Variants in OCA2 observed in about 807,000 individuals in gnomAD.
OCA2 encodes P protein.
OCA2 carries 77 observed loss-of-function variants against 100.2 expected under a neutral mutation model. The ratio of observed to expected loss-of-function variants is 0.77; its 90% CI spans 0.64 to 0.93. The LOEUF (loss-of-function observed/expected upper bound fraction) is 0.93, where lower values mean the gene tolerates loss of function less well. Ranked by LOEUF, OCA2 falls within the 40% of genes least tolerant of loss-of-function variation. The pLI is 0.00. For synonymous variants in OCA2, 432 were observed against 439.2 expected, an observed-to-expected ratio of 0.98 and a Z score of 0.21; for missense variants, 1,062 against 1,089.1, an observed-to-expected ratio of 0.98 and a Z score of 0.35.
chr15:27,951,621 C>CTTTTG (rs2040030089), intron 18 of OCA2, among the ~76,000 whole-genome samples, 163 bp downstream of exon 18: 1 of 152,186 alleles, frequency 6.6e-6, no homozygotes, highest in Non-Finnish European at 1.5e-5. Context: ...AAAGGAAAGG[C>CTTTTG]GCCCTTCTTC....
intron 14 of OCA2, among the ~76,000 whole-genome samples, chr15:27,978,160 A>G (rs79475059): frequency 2.0e-5 from 3 of 152,328 alleles, no homozygotes; most frequent in East Asian, 1.9e-4. Flanking sequence ...GTCACAGAAA[A>G]TATTTTATAT....
chr15:27,943,442 C>G (rs146690985), intron 18 of OCA2, among the ~76,000 whole-genome samples: 4 of 152,090 alleles, frequency 2.6e-5, no homozygotes, highest in Non-Finnish European at 4.4e-5. Context: ...TTGGAGATGG[C>G]CTTGCAAAGT....
chr15:27,851,389 G>A lies in OCA2; in HGVS notation c.2331C>T (p.Cys777=), dbSNP rs1376067968. 5 of 1,613,658 alleles carry A rather than the reference G, an allele frequency of 3.1e-6. No homozygotes were observed. The Admixed American group carries it at 5.0e-5, about 16-fold the overall frequency. The change falls in exon 22 of 24, where the codon TGC becomes TGT. Residue 777 remains cysteine (C), a synonymous_variant. Transcript: ENST00000354638. ...CAGTCAGCAGCCCCTTACCTCCCAG[G>A]CAAGCACCGAAGGCCAGGGCATACA... The part of the protein sequence containing the change: ...PLMYALAFGA[C]LGGNGTLIGA...
intron 1 of OCA2, among the ~76,000 whole-genome samples, chr15:28,090,073 T>C (rs2044847000): frequency 6.6e-6 from 1 of 152,202 alleles, no homozygotes; most frequent in South Asian, 2.1e-4. Context: ...TATGCTAAAC[T>C]TCAAGGCAAA....
rs376613862 is a variant in OCA2, at chr15:27,990,564, G to A, written c.1116+12C>T. ...GAGTGGTAAGCCAGGGATTGGGACTGTGACAACTTACATCGCCAATCACAG... is the reference window on the plus strand; with the variant it reads ...GAGTGGTAAGCCAGGGATTGGGACTATGACAACTTACATCGCCAATCACAG... On this transcript the variant is annotated intron_variant, in intron 10 of 23. Coordinates refer to ENST00000354638, the MANE Select transcript of OCA2 (RefSeq NM_000275.3). 1.9e-6 allele frequency: 3 copies of A among 1,613,352 alleles called. No individual in the cohort carries two copies. Among genetic ancestry groups the A allele is most frequent in the Admixed American group, 3.3e-5 (2 of 60,014 alleles).
At chr15:27,804,958 C>T (rs2033767349) in intron 23 of OCA2, among the ~76,000 whole-genome samples, 1 of 152,258 alleles carries the variant, frequency 6.6e-6, no homozygotes, top group Admixed American at 6.5e-5. Flanking sequence ...TGGCAGACCC[C>T]CGCTGGACGT....
the OCA2 span, among the ~76,000 whole-genome samples, chr15:27,741,818 T>G: frequency 6.6e-6 from 1 of 152,332 alleles, no homozygotes; most frequent in South Asian, 2.1e-4. Context: ...CACTATGAAT[T>G]GTTTCAAATT....
At chr15:27,899,703 T>C (rs1247732335) in intron 19 of OCA2, among the ~76,000 whole-genome samples, 2 of 152,198 alleles carry the variant, frequency 1.3e-5, no homozygotes, top group Non-Finnish European at 2.9e-5. Flanking sequence ...GCTGACTTGA[T>C]AGAACAGTGG....
chr15:27,936,389 C>G (rs1357527951), intron 18 of OCA2, among the ~76,000 whole-genome samples: 1 of 152,182 alleles, frequency 6.6e-6, no homozygotes, highest in Non-Finnish European at 1.5e-5. Context: ...GGAGGGAGCA[C>G]CTAACTACTT....
At chr15:27,940,894 AT>A (rs1401858477) in intron 18 of OCA2, among the ~76,000 whole-genome samples, 1 of 152,218 alleles carries the variant, frequency 6.6e-6, no homozygotes, top group Non-Finnish European at 1.5e-5. Context: ...ATTTATTTAA[AT>A]TCTTCTTCAG....
At chr15:27,833,669 G>T (rs958093248) in intron 23 of OCA2, among the ~76,000 whole-genome samples, 73 of 152,262 alleles carry the variant, frequency 4.8e-4, no homozygotes, top group African/African-American at 1.7e-3. Flanking sequence ...GGCCACAAGT[G>T]GTTCCAATGG....
intron 1 of OCA2, among the ~76,000 whole-genome samples, chr15:28,092,645 A>G (rs1003629616): frequency 6.6e-6 from 1 of 152,236 alleles, no homozygotes; most frequent in African/African-American, 2.4e-5. Context: ...GAATTTGTAC[A>G]CTTTAAATGG....
In OCA2 at chr15:27,997,786, G is replaced by A. The variant is rs533313515; in HGVS notation, c.1045-7139C>T. On this transcript the variant is annotated intron_variant, in intron 9 of 23. Coordinates refer to ENST00000354638, the MANE Select transcript of OCA2 (RefSeq NM_000275.3). ...CCTTGGGCAGTATGGCCATTTTCAC[G>A]ATATTGATTCTTCCTACCCATGAGC... Among the ~76,000 whole-genome samples the A allele has an allele frequency of 6.2e-5, 8 of 129,392 alleles. No homozygotes were observed. In the South Asian group the frequency reaches 1.6e-3, roughly 26 times the overall value. 84.9% of individuals were successfully genotyped at this position (129,392 alleles called of 152,430 possible).
rs113473294 is a variant in OCA2, at chr15:28,008,105, G to A, written c.1044+6671C>T. The stretch of plus-strand genomic sequence containing the variant: ...GTCCAAGGCACTGGGAATCAACACT[G>A]AACAAAAGCAACCAACAACAGACAC... On this transcript the variant is annotated intron_variant, in intron 9 of 23. Transcript: ENST00000354638. Among the ~76,000 whole-genome samples the A allele has an allele frequency of 7.2e-3, 1,091 of 152,302 alleles. 15 individuals carry two copies. The highest frequency in any genetic ancestry group is 0.025 in the African/African-American group (1,037 of 41,570).
intron 23 of OCA2, among the ~76,000 whole-genome samples, chr15:27,755,871 A>C (rs11074304): frequency 0.56 from 85,735 of 152,018 alleles, 24,456 homozygotes; most frequent in East Asian, 0.64. Context: ...CCCAGCTTCC[A>C]GCAGGCTCCT....
At chr15:28,024,672 C>G (rs2042695510) in intron 5 of OCA2, among the ~76,000 whole-genome samples, 173 bp downstream of exon 5, 1 of 152,198 alleles carries the variant, frequency 6.6e-6, no homozygotes, top group African/African-American at 2.4e-5. Context: ...GGCCTCGACC[C>G]CCTCAGCCCG....
At chr15:28,058,477 G>A (rs1002352697) in intron 2 of OCA2, among the ~76,000 whole-genome samples, 6 of 151,634 alleles carry the variant, frequency 4.0e-5, no homozygotes, top group African/African-American at 1.5e-4. Context: ...CCCAGGGCAC[G>A]CTGGCCACCT....
intron 22 of OCA2, among the ~76,000 whole-genome samples, chr15:27,845,863 C>T (rs1423850293): frequency 6.6e-6 from 1 of 152,198 alleles, no homozygotes; most frequent in Non-Finnish European, 1.5e-5. Flanking sequence ...CTGTGCAACA[C>T]TGCCCTGGAG....
At chr15:27,797,157 G>T (rs1171991205) in intron 23 of OCA2, among the ~76,000 whole-genome samples, 1 of 152,200 alleles carries the variant, frequency 6.6e-6, no homozygotes, top group Admixed American at 6.5e-5. Flanking sequence ...CTGGTGAGCG[G>T]AAAGGCTTTG....
Sources: allele counts gnomAD v4.1 joint callset (sites outside exome capture counted in the v4.1 genomes callset), GRCh38; gene constraint gnomAD v4.1.1; transcripts MANE v1.5; gene names NCBI Gene and HGNC (gene_info 2026-07-23, HGNC 2026-07-21).